UMAD1: variants seen among roughly 807,000 people sequenced by gnomAD.
UMAD1 encodes the protein UBAP1-MVB12-associated (UMA)-domain containing protein 1.
UMAD1 carries 8 observed loss-of-function variants against 6.1 expected under a neutral mutation model. The observed-to-expected ratio is 1.30, with a 90% CI of 0.76 to 2.35. The LOEUF (loss-of-function observed/expected upper bound fraction) is 2.35, where lower values mean the gene tolerates loss of function less well. Among genes scored for constraint, UMAD1 ranks in the 30% most tolerant of loss-of-function variants. The pLI, the probability that UMAD1 is intolerant of heterozygous loss-of-function variation, is 0.00. For synonymous variants in UMAD1, 56 were observed against 31.4 expected (o/e 1.78, Z -2.61); for missense variants, 130 against 78.4 (o/e 1.66, Z -2.49).
intron 3 of UMAD1, among the ~76,000 whole-genome samples, chr7:7,831,209 T>C (rs1360772226): frequency 6.6e-6 from 1 of 152,198 alleles, no homozygotes; most frequent in African/African-American, 2.4e-5. Flanking sequence ...CTCTAACCCA[T>C]ATTTTTGTGT....
intron 3 of UMAD1, among the ~76,000 whole-genome samples, chr7:7,836,861 T>C (rs1783582030): frequency 6.6e-6 from 1 of 151,166 alleles, no homozygotes; most frequent in South Asian, 2.1e-4. Flanking sequence ...AATGAAGAGG[T>C]GTGTCTAACA....
intron 2 of UMAD1, chr7:7,715,223 G>A (rs1780869657): frequency 6.6e-6 from 1 of 152,104 alleles, no homozygotes; most frequent in Admixed American, 6.5e-5. Context: ...CTTTTTCTGA[G>A]TACCTGAGAC....
At chr7:7,677,118 A>G (rs1036351330) in intron 2 of UMAD1, among the ~76,000 whole-genome samples, 6 of 152,108 alleles carry the variant, frequency 3.9e-5, no homozygotes, top group Admixed American at 2.6e-4. Flanking sequence ...TTTAATCATT[A>G]TGGGTCCGTA....
At chr7:7,686,288 T>C (rs1189817257) in intron 2 of UMAD1, among the ~76,000 whole-genome samples, 1 of 152,186 alleles carries the variant, frequency 6.6e-6, no homozygotes, top group Non-Finnish European at 1.5e-5. Context: ...AGGGCCACTA[T>C]TGGGAAGTGT....
intron 2 of UMAD1, among the ~76,000 whole-genome samples, chr7:7,694,876 G>T (rs1310917266): frequency 6.6e-6 from 1 of 152,112 alleles, no homozygotes; most frequent in African/African-American, 2.4e-5. Context: ...TTGTTATCCT[G>T]ATTTCCTTCC....
chr7:7,874,930 C>T (rs532302246), intron 3 of UMAD1, among the ~76,000 whole-genome samples: 39 of 151,910 alleles, frequency 2.6e-4, no homozygotes, highest in Non-Finnish European at 4.9e-4. Flanking sequence ...CAAGTTACAC[C>T]CTTATGAAGT....
In UMAD1 at chr7:7,878,215, T is replaced by G. The variant is rs1288758430; in HGVS notation, c.*677T>G. 1 of 152,436 alleles carries G rather than the reference T, an allele frequency of 6.6e-6. No homozygotes were observed. The highest frequency in any genetic ancestry group is 1.5e-5 in the Non-Finnish European group (1 of 68,140). The allele number at this position is 152,436 out of a possible 1,614,324, so 9.4% of individuals were successfully genotyped here. ...CCTTTGTTCTCTGCCTTTTTGCTAC[T>G]TCAGTGTGCTCTCTGACCAGCTTTC... is the stretch of plus-strand genomic sequence containing the variant. On this transcript the variant is annotated 3_prime_UTR_variant, in exon 4 of 4. Coordinates refer to ENST00000682710, the MANE Select transcript of UMAD1 (RefSeq NM_001302348.2).
At chr7:7,704,037 A>T (rs1780532503) in intron 2 of UMAD1, among the ~76,000 whole-genome samples, 1 of 152,192 alleles carries the variant, frequency 6.6e-6, no homozygotes, top group African/African-American at 2.4e-5. Flanking sequence ...ACAGTTCTCA[A>T]GGAGATACTT....
intron 2 of UMAD1, among the ~76,000 whole-genome samples, chr7:7,757,419 T>C (rs1781798676): frequency 6.6e-6 from 1 of 152,258 alleles, no homozygotes. Flanking sequence ...TTGACAACCA[T>C]GTGAACGTAG....
chr7:7,859,167 A>C (rs924865921), intron 3 of UMAD1, among the ~76,000 whole-genome samples: 1 of 152,162 alleles, frequency 6.6e-6, no homozygotes, highest in Non-Finnish European at 1.5e-5. Context: ...TATTATAATA[A>C]TTTTTCTACA....
At chr7:7,677,774 C>T (rs376763499) in intron 2 of UMAD1, among the ~76,000 whole-genome samples, 4,025 of 147,832 alleles carry the variant, frequency 0.027, 109 homozygotes, top group South Asian at 0.095. Flanking sequence ...CCCAGGTTCA[C>T]GCCATTCTCC....
intron 1 of UMAD1, among the ~76,000 whole-genome samples, chr7:7,650,312 A>C (rs1057292113): frequency 1.3e-5 from 2 of 152,146 alleles, no homozygotes; most frequent in Non-Finnish European, 2.9e-5. Context: ...TTACAGCTTC[A>C]TCAGTTCATG....
chr7:7,761,664 G>T (rs1563185511), intron 2 of UMAD1, among the ~76,000 whole-genome samples: 1 of 152,156 alleles, frequency 6.6e-6, no homozygotes, highest in Admixed American at 6.5e-5. Flanking sequence ...CTTATTATTG[G>T]GGAATAGATT....
chr7:7,668,190 G>A (rs1779517596), intron 1 of UMAD1, among the ~76,000 whole-genome samples: 1 of 152,082 alleles, frequency 6.6e-6, no homozygotes. Flanking sequence ...TGGGATTACA[G>A]GTGTAAGCCA....
chr7:7,805,097 G>A (rs570439281), intron 3 of UMAD1, among the ~76,000 whole-genome samples: 4 of 152,244 alleles, frequency 2.6e-5, no homozygotes, highest in East Asian at 1.9e-4. Flanking sequence ...CAGCCTCCTC[G>A]ATTTAAATTC....
chr7:7,839,595 T>G (rs1444847798), intron 3 of UMAD1, among the ~76,000 whole-genome samples: 3 of 152,246 alleles, frequency 2.0e-5, no homozygotes, highest in Middle Eastern at 6.8e-3. Flanking sequence ...TAAATAGGAC[T>G]TACAATAGCA....
chr7:7,796,835 G>A (rs892921105), intron 2 of UMAD1, among the ~76,000 whole-genome samples: 21 of 151,906 alleles, frequency 1.4e-4, no homozygotes, highest in African/African-American at 4.8e-4. Context: ...CCAATCAGTG[G>A]TCTCCACACT....
intron 2 of UMAD1, chr7:7,740,992 G>T (rs2115205246): frequency 6.6e-6 from 1 of 152,302 alleles, no homozygotes; most frequent in Admixed American, 6.5e-5. Context: ...TTCTGTTAAT[G>T]TTGAAATTAG....
rs142286209 is a variant in UMAD1, at chr7:7,769,969, A to G, written c.83-31701A>G. Among the ~76,000 whole-genome samples the G allele has an allele frequency of 2.7e-3, 409 of 152,264 alleles. 1 individual carries two copies. The highest frequency in any genetic ancestry group is 9.6e-3 in the African/African-American group (400 of 41,554). On this transcript the variant is annotated intron_variant, in intron 2 of 3. Coordinates refer to ENST00000682710, the MANE Select transcript of UMAD1 (RefSeq NM_001302348.2). Reference sequence around the variant, plus strand: ...TGCTGATTGTCTCTGGTACAGATTTATGATTTCCAGCCTCAGCTCAGTGCT... The same window carrying G: ...TGCTGATTGTCTCTGGTACAGATTTGTGATTTCCAGCCTCAGCTCAGTGCT...
Sources: allele counts gnomAD v4.1 joint callset (sites outside exome capture counted in the v4.1 genomes callset), GRCh38; gene constraint gnomAD v4.1.1; transcripts MANE v1.5; gene names NCBI Gene and HGNC (gene_info 2026-07-23, HGNC 2026-07-21).